ASCC3: variants seen among roughly 807,000 people sequenced by gnomAD.
ASCC3 encodes ASC-1 complex subunit P200.
Under a neutral mutation model 256.3 loss-of-function variants are expected in ASCC3, and 158 were observed. The ratio of observed to expected loss-of-function variants is 0.62; its 90% CI spans 0.54 to 0.70. The LOEUF (loss-of-function observed/expected upper bound fraction) is 0.70. Among genes scored for constraint, ASCC3 ranks in the 30% least tolerant of loss-of-function variants. ASCC3 has a pLI of 0.00. For synonymous variants in ASCC3, 948 were observed against 883.4 expected (o/e 1.07, Z -1.30); for missense variants, 2,259 against 2,626.0 (o/e 0.86, Z 3.05).
chr6:100,728,389 C>T (rs889454307), intron 10 of ASCC3, among the ~76,000 whole-genome samples: 2 of 151,688 alleles, frequency 1.3e-5, no homozygotes, highest in African/African-American at 2.4e-5. Flanking sequence ...CCTAAAGTAA[C>T]GGTGGAATAT....
intron 12 of ASCC3, among the ~76,000 whole-genome samples, chr6:100,717,079 T>C (rs1301787759): frequency 6.6e-6 from 1 of 151,918 alleles, no homozygotes; most frequent in Non-Finnish European, 1.5e-5. Context: ...ATATGCAGAA[T>C]TGTATATCAT....
At chr6:100,699,093 A>G (rs1199790423) in intron 13 of ASCC3, among the ~76,000 whole-genome samples, 1 of 152,202 alleles carries the variant, frequency 6.6e-6, no homozygotes, top group African/African-American at 2.4e-5. Context: ...GGTAGGCTAT[A>G]TCATCTAGGT....
intron 40 of ASCC3, among the ~76,000 whole-genome samples, chr6:100,511,694 C>A (rs1773771658): frequency 6.6e-6 from 1 of 151,972 alleles, no homozygotes; most frequent in African/African-American, 2.4e-5. Context: ...GTCTGGGCGA[C>A]ACAGTGAGAC....
At chr6:100,673,680 C>T (rs1027557649) in intron 14 of ASCC3, among the ~76,000 whole-genome samples, 1 of 152,184 alleles carries the variant, frequency 6.6e-6, no homozygotes, top group Non-Finnish European at 1.5e-5. Context: ...ACATGGGCCA[C>T]AACAATGTCC....
chr6:100,644,985 G>A (rs913124668), intron 22 of ASCC3, among the ~76,000 whole-genome samples: 2 of 152,094 alleles, frequency 1.3e-5, no homozygotes, highest in Non-Finnish European at 2.9e-5. Context: ...CATCCTTAGG[G>A]CCTATTCTAC....
chr6:100,876,101 G>A (rs1463349486), intron 1 of ASCC3, among the ~76,000 whole-genome samples: 2 of 152,102 alleles, frequency 1.3e-5, no homozygotes, highest in African/African-American at 4.8e-5. Context: ...GAATGCAGGC[G>A]AGAATGACAA....
chr6:100,695,666 C>T (rs1415550214), intron 13 of ASCC3, among the ~76,000 whole-genome samples: 5 of 152,062 alleles, frequency 3.3e-5, no homozygotes, highest in African/African-American at 1.2e-4. Context: ...GTCTGGTAAC[C>T]ATAGTAAAAG....
intron 4 of ASCC3, among the ~76,000 whole-genome samples, chr6:100,828,146 C>T (rs2114447155): frequency 7.1e-6 from 1 of 140,652 alleles, no homozygotes; most frequent in East Asian, 2.1e-4. Context: ...AATTTAGTAA[C>T]TCATATTAAT....
At chr6:100,702,324 T>C (rs1006354339) in intron 13 of ASCC3, among the ~76,000 whole-genome samples, 1 of 152,132 alleles carries the variant, frequency 6.6e-6, no homozygotes, top group African/African-American at 2.4e-5. Flanking sequence ...ACAAGGATGA[T>C]GTTTTGGTTT....
intron 4 of ASCC3, among the ~76,000 whole-genome samples, chr6:100,820,266 AAG>A (rs1770971115): frequency 6.8e-6 from 1 of 147,062 alleles, no homozygotes; most frequent in South Asian, 2.1e-4. Flanking sequence ...CAGTAATTAA[AAG>A]AGTGTAGTAC....
chr6:100,847,943 G>T, intron 4 of ASCC3: 1 of 484,748 alleles, frequency 2.1e-6, no homozygotes, highest in Non-Finnish European at 3.6e-6. Flanking sequence ...TTACTCCTCT[G>T]CTACACTCAT....
chr6:100,581,309 G>C (rs1771241222), intron 36 of ASCC3, among the ~76,000 whole-genome samples: 2 of 151,936 alleles, frequency 1.3e-5, no homozygotes, highest in South Asian at 2.1e-4. Flanking sequence ...TTGTGGTTTT[G>C]ATTTGCATTT....
At chr6:100,822,042 T>C (rs1771073188) in intron 4 of ASCC3, among the ~76,000 whole-genome samples, 1 of 152,028 alleles carries the variant, frequency 6.6e-6, no homozygotes, top group Non-Finnish European at 1.5e-5. Context: ...AGATGGTAGT[T>C]AAAGGTCAAA....
intron 25 of ASCC3, among the ~76,000 whole-genome samples, chr6:100,636,532 A>G (rs1403878474): frequency 2.0e-5 from 3 of 152,140 alleles, no homozygotes; most frequent in Admixed American, 2.0e-4. Flanking sequence ...GTTCGAGTGA[A>G]AGGAAGAGTT....
rs533445745 is a variant in ASCC3, at chr6:100,874,026, A to G, written c.-41-5988T>C. Among the ~76,000 whole-genome samples, 18 of 152,308 alleles carry G rather than the reference A, an allele frequency of 1.2e-4. No individual in the cohort carries two copies. The East Asian group carries it at 3.5e-3, about 29-fold the overall frequency. On this transcript the variant is annotated intron_variant, in intron 1 of 41. Coordinates refer to ENST00000369162, the MANE Select transcript of ASCC3 (RefSeq NM_006828.4). ...TTTTATTTGATGTGTTTTCTTCCCC[A>G]GGTTGAATGAGCAACACTAAAAATG...
chr6:100,734,474 C>T (rs1212625072), intron 10 of ASCC3, among the ~76,000 whole-genome samples: 1 of 152,068 alleles, frequency 6.6e-6, no homozygotes, highest in African/African-American at 2.4e-5. Flanking sequence ...ATGGTACTTA[C>T]AGCAGTGTGA....
chr6:100,575,494 G>A (rs1203495941), intron 36 of ASCC3, among the ~76,000 whole-genome samples: 1 of 152,000 alleles, frequency 6.6e-6, no homozygotes, highest in Non-Finnish European at 1.5e-5. Flanking sequence ...ACAGTACTGA[G>A]AACGGCTAAA....
intron 36 of ASCC3, among the ~76,000 whole-genome samples, chr6:100,582,375 T>C (rs1231024837): frequency 6.6e-6 from 1 of 151,780 alleles, no homozygotes; most frequent in Non-Finnish European, 1.5e-5. Flanking sequence ...ACTCATGATT[T>C]GGCTCTCTGT....
chr6:100,783,675 C>T (rs1341950966), intron 8 of ASCC3, among the ~76,000 whole-genome samples: 1 of 152,150 alleles, frequency 6.6e-6, no homozygotes, highest in Non-Finnish European at 1.5e-5. Flanking sequence ...ACTAAATACA[C>T]CAATCCCAAA....
Sources: gnomAD v4.1 joint callset for allele counts (sites outside exome capture counted in the v4.1 genomes callset) on GRCh38, gnomAD v4.1.1 for gene constraint, MANE v1.5 for transcripts, NCBI Gene and HGNC (gene_info 2026-07-23, HGNC 2026-07-21) for gene names.